Variants in KDM5A observed in about 807,000 individuals in gnomAD.
The protein encoded by KDM5A is lysine-specific demethylase 5A.
A neutral mutation model predicts 193.5 loss-of-function variants in KDM5A; 42 were observed. That is an observed-to-expected ratio of 0.22 (90% confidence interval 0.17 to 0.28). The LOEUF is 0.28. KDM5A is among the 10% of genes least tolerant of loss of function. The probability of loss-of-function intolerance (pLI) is 1.00; values close to 1 mark genes in which losing one functional copy is unlikely to be tolerated. For missense variants in KDM5A, 1,692 were observed against 2,055.1 expected (o/e 0.82, Z 3.42); for synonymous variants, 796 against 718.1 (o/e 1.11, Z -1.73).
At chr12:310,845 A>T (rs772917682) in intron 21 of KDM5A, 40 bp downstream of exon 21, 1 of 1,595,148 alleles carries the variant, frequency 6.3e-7, no homozygotes, top group Non-Finnish European at 8.6e-7. Context: ...ATTACTACTT[A>T]AATTATCAGC....
intron 10 of KDM5A, among the ~76,000 whole-genome samples, chr12:344,120 C>A (rs893432721): frequency 6.6e-6 from 1 of 152,158 alleles, no homozygotes; most frequent in Non-Finnish European, 1.5e-5. Flanking sequence ...ATTACACATG[C>A]ACAAGCTTCA....
chr12:378,864 C>T (rs1565552839), intron 3 of KDM5A, among the ~76,000 whole-genome samples: 1 of 149,560 alleles, frequency 6.7e-6, no homozygotes, highest in African/African-American at 2.5e-5. Context: ...GAGGCTGAGG[C>T]GGGAGAATGT....
Position 332,678 on chromosome 12 carries a change from AAAT to A in KDM5A, c.1654-743_1654-741del, listed in dbSNP as rs1943879837. On this transcript the variant is annotated intron_variant, in intron 12 of 27. Coordinates refer to ENST00000399788, the MANE Select transcript of KDM5A (RefSeq NM_001042603.3). ...AAAGCTAAGAAATCTTTACATGAGA[AAAT>A]AAGGATAAGCAAACTTATTAGTGAT... Among the ~76,000 whole-genome samples, 7 of 152,200 alleles carry A rather than the reference AAAT, an allele frequency of 4.6e-5. No homozygotes were observed. The South Asian group carries it at 1.4e-3, about 31-fold the overall frequency.
At chr12:335,859 T>C (rs1420444242) in intron 10 of KDM5A, among the ~76,000 whole-genome samples, 1 of 150,868 alleles carries the variant, frequency 6.6e-6, no homozygotes, top group East Asian at 1.9e-4. Context: ...CTGGCCAACA[T>C]AGTGAAACCC....
intron 27 of KDM5A, among the ~76,000 whole-genome samples, chr12:290,721 A>C (rs1943281656): frequency 1.3e-5 from 2 of 152,238 alleles, no homozygotes; most frequent in Non-Finnish European, 1.5e-5. Context: ...GCAAATGAAA[A>C]AAAAAACGGC....
chr12:281,434 C>T lies in KDM5A; in HGVS notation c.*4022G>A, dbSNP rs1235737575. On this transcript the variant is annotated 3_prime_UTR_variant, in exon 28 of 28. Coordinates refer to ENST00000399788, the MANE Select transcript of KDM5A (RefSeq NM_001042603.3). ...TGACTGGATATGATCCAGGCCAAGA[C>T]AAGACCAAAATTCAAAAAATACATT... 2 of 232,980 alleles carry T rather than the reference C, an allele frequency of 8.6e-6. No homozygotes were observed. Among genetic ancestry groups the T allele is most frequent in the Non-Finnish European group, 1.7e-5 (2 of 118,028 alleles). 14.4% of individuals were successfully genotyped at this position (232,980 alleles called of 1,614,324 possible). A position where few individuals can be genotyped will look rare whatever the true frequency, so the allele number is the denominator to read the frequency against.
In KDM5A at chr12:383,982, C is replaced by T. The variant is rs768988297; in HGVS notation, c.366+49G>A. The T allele has an allele frequency of 3.8e-6, 6 of 1,589,726 alleles. No individual in the cohort carries two copies. The East Asian group carries it at 1.3e-4, about 36-fold the overall frequency. ...TTCCTACCAAATCTATTTGATATTC[C>T]TAAATTCACAAGCCTGTGCTCTAAT... On this transcript the variant is annotated intron_variant, in intron 3 of 27. Transcript: ENST00000399788.
chr12:291,823 T>C (rs964616822), intron 27 of KDM5A, among the ~76,000 whole-genome samples: 9 of 152,142 alleles, frequency 5.9e-5, no homozygotes, highest in Non-Finnish European at 1.2e-4. Flanking sequence ...AAGTTCATAC[T>C]GTCAACATTA....
intron 6 of KDM5A, among the ~76,000 whole-genome samples, chr12:355,882 C>T (rs924165184): frequency 1.3e-5 from 2 of 152,158 alleles, no homozygotes; most frequent in African/African-American, 4.8e-5. Context: ...TTATAATTGA[C>T]ATGTTACATA....
chr12:338,638 A>G (rs1416588338), intron 10 of KDM5A, among the ~76,000 whole-genome samples: 1 of 152,224 alleles, frequency 6.6e-6, no homozygotes, highest in Non-Finnish European at 1.5e-5. Flanking sequence ...ATGATACTGT[A>G]GTCATACAAC....
chr12:331,111 G>C (rs1323134269), intron 13 of KDM5A, among the ~76,000 whole-genome samples: 1 of 151,452 alleles, frequency 6.6e-6, no homozygotes, highest in African/African-American at 2.4e-5. Context: ...AAAATGACAA[G>C]ACTAGTAAAA....
At chr12:334,512 TATA>T (rs1943902627) in intron 10 of KDM5A, 90 bp from the exon 11 acceptor site, 15 of 901,510 alleles carry the variant, frequency 1.7e-5, no homozygotes, top group Non-Finnish European at 2.7e-5. Context: ...AAAATTTTTT[TATA>T]ATATTTATAA....
chr12:307,132 AACAG>A lies in KDM5A; in HGVS notation c.3931-47_3931-44del, dbSNP rs1372641354. 2 of 1,611,944 alleles carry A rather than the reference AACAG, an allele frequency of 1.2e-6. No individual in the cohort carries two copies. The highest frequency in any genetic ancestry group is 2.2e-5 in the East Asian group (1 of 44,818). On this transcript the variant is annotated intron_variant, in intron 23 of 27. Transcript: ENST00000399788. The surrounding 1 kb of genome is among the most constrained non-coding windows in gnomAD (Gnocchi z 4.3). ...CCAAGATGAACAGCAAGACATGCTAAACAGACAGGGTAATTAATGTGTGCTTAAG... is the reference window on the plus strand; with the variant it reads ...CCAAGATGAACAGCAAGACATGCTAAACAGGGTAATTAATGTGTGCTTAAG...
chr12:286,196 A>C, intron 27 of KDM5A: 2 of 505,638 alleles, frequency 4.0e-6, no homozygotes, highest in South Asian at 3.0e-5. Flanking sequence ...CTTCCGTTAC[A>C]AATACAACTC....
intron 19 of KDM5A, among the ~76,000 whole-genome samples, chr12:314,664 T>A (rs1032741869): frequency 6.6e-6 from 1 of 152,218 alleles, no homozygotes; most frequent in African/African-American, 2.4e-5. Flanking sequence ...AGCTTTCCCA[T>A]CCTTTCTGAA....
intron 12 of KDM5A, chr12:333,002 ATAAAAGTT>A: frequency 5.5e-6 from 1 of 180,868 alleles, no homozygotes; most frequent in South Asian, 1.1e-4. Context: ...TCTTAATCAG[ATAAAAGTT>A]GTTCCCTGCA....
Position 385,894 on chromosome 12 carries a change from TA to T in KDM5A, c.243+2del. ...GAAGCAGAAATAGTGACAAAACACT[TA>T]CCTCAAGTTCATTCAGGCGCTGGAC... On this transcript the variant is annotated splice_donor_variant, in intron 2 of 27. Transcript: ENST00000399788. LOFTEE classifies it high-confidence loss of function. The T allele has an allele frequency of 6.2e-7, 1 of 1,611,030 alleles. No individual in the cohort carries two copies.
intron 9 of KDM5A, 94 bp downstream of exon 9, chr12:352,085 CAAAGCAAGACTCCGTCTCAAAAAAAA>C (rs1591926992): frequency 1.2e-6 from 1 of 867,270 alleles, no homozygotes; most frequent in East Asian, 2.8e-5. Flanking sequence ...GCCTGGGCGA[CAAAGCAAGACTCCGTCTCAAAAAAAA>C]AAAAAAAAAA....
intron 3 of KDM5A, among the ~76,000 whole-genome samples, chr12:373,838 C>A (rs1186441397): frequency 1.3e-5 from 2 of 152,178 alleles, no homozygotes; most frequent in Non-Finnish European, 2.9e-5. Flanking sequence ...TCGTTATGTA[C>A]CCAGTAGTCA....
Sources: gnomAD v4.1 joint callset for allele counts (sites outside exome capture counted in the v4.1 genomes callset) on GRCh38, gnomAD v4.1.1 for gene constraint, Gnocchi (gnomAD v3.1) non-coding constraint, MANE v1.5 for transcripts, NCBI Gene and HGNC (gene_info 2026-07-23, HGNC 2026-07-21) for gene names.